Variants in LRP1B observed in about 807,000 individuals in gnomAD.
LRP1B encodes low-density lipoprotein receptor-related protein 1B.
In LRP1B, 217 loss-of-function variants were observed where a neutral mutation model predicts 556.6. The ratio of observed to expected loss-of-function variants is 0.39; its 90% CI spans 0.35 to 0.44. The LOEUF (loss-of-function observed/expected upper bound fraction) is 0.44, where lower values mean the gene tolerates loss of function less well. Among genes scored for constraint, LRP1B ranks in the 20% least tolerant of loss-of-function variants. LRP1B has a pLI of 1.00. For synonymous variants in LRP1B, 2,047 were observed against 1,865.8 expected, an observed-to-expected ratio of 1.10 and a Z score of -2.50; for missense variants, 5,053 against 5,620.8, an observed-to-expected ratio of 0.90 and a Z score of 3.23.
At chr2:142,109,183 G>A (rs1463870651) in intron 1 of LRP1B, among the ~76,000 whole-genome samples, 1 of 152,144 alleles carries the variant, frequency 6.6e-6, no homozygotes, top group Admixed American at 6.6e-5. Flanking sequence ...AACTTAAAGA[G>A]ACTAACAACA....
At chr2:141,573,410 C>A (rs574328263) in intron 2 of LRP1B, among the ~76,000 whole-genome samples, 2 of 152,060 alleles carry the variant, frequency 1.3e-5, no homozygotes, top group African/African-American at 2.4e-5. Context: ...CATAAAGAGA[C>A]AATGTACCAG....
At chr2:141,486,947 G>A (rs992437075) in intron 2 of LRP1B, among the ~76,000 whole-genome samples, 4 of 152,134 alleles carry the variant, frequency 2.6e-5, no homozygotes, top group Non-Finnish European at 4.4e-5. Flanking sequence ...AGTGAAGCCA[G>A]AGACATGCGA....
At chr2:141,487,910 C>CA (rs1365613086) in intron 2 of LRP1B, among the ~76,000 whole-genome samples, 1 of 152,086 alleles carries the variant, frequency 6.6e-6, no homozygotes, top group African/African-American at 2.4e-5. Flanking sequence ...TTAACCTCAC[C>CA]AAGACTCTTC....
chr2:141,839,788 A>T (rs1424256975), intron 1 of LRP1B, among the ~76,000 whole-genome samples: 1 of 152,216 alleles, frequency 6.6e-6, no homozygotes, highest in Non-Finnish European at 1.5e-5. Flanking sequence ...TACTCAGCAA[A>T]CAGCCTAATT....
At chr2:141,067,785 C>A (rs974750469) in intron 7 of LRP1B, among the ~76,000 whole-genome samples, 1 of 151,964 alleles carries the variant, frequency 6.6e-6, no homozygotes, top group Admixed American at 6.6e-5. Flanking sequence ...TCTCAATAAT[C>A]TCAACTGCAA....
chr2:140,871,052 C>G (rs1016663826), intron 25 of LRP1B, among the ~76,000 whole-genome samples: 1 of 152,076 alleles, frequency 6.6e-6, no homozygotes, highest in Non-Finnish European at 1.5e-5. Context: ...GAGAGTGGAA[C>G]TTCCTATATA....
intron 35 of LRP1B, among the ~76,000 whole-genome samples, chr2:140,748,009 G>A (rs978061660): frequency 6.8e-6 from 1 of 147,268 alleles, no homozygotes; most frequent in Non-Finnish European, 1.5e-5. Flanking sequence ...TTATTATCAT[G>A]GGTCATTTAC....
rs192231638 is a variant in LRP1B, at chr2:141,858,270, G to A, written c.83-47869C>T. 8.6e-4 allele frequency among the ~76,000 whole-genome samples: 131 copies of A among 152,240 alleles called. 2 individuals carry two copies. The highest frequency in any genetic ancestry group is 6.8e-3 in the Middle Eastern group (2 of 294). ...TGACCATTTTTCTGCTATCCACACT[G>A]TAAGTTCTTTAGATTTTCATCTTAT... On this transcript the variant is annotated intron_variant, in intron 1 of 90. Transcript: ENST00000389484.
intron 1 of LRP1B, among the ~76,000 whole-genome samples, chr2:141,975,708 G>T (rs1010946175): frequency 6.6e-6 from 1 of 152,018 alleles, no homozygotes; most frequent in Non-Finnish European, 1.5e-5. Context: ...ATTAAACTGT[G>T]GTGAGTCAGG....
chr2:141,789,075 T>C (rs1263586005), intron 2 of LRP1B, among the ~76,000 whole-genome samples: 2 of 152,024 alleles, frequency 1.3e-5, no homozygotes, highest in African/African-American at 4.8e-5. Context: ...GGTCAAATGG[T>C]GTTTCTAGTT....
intron 1 of LRP1B, among the ~76,000 whole-genome samples, chr2:142,068,512 G>A (rs56242807): frequency 0.043 from 6,555 of 151,570 alleles, 234 homozygotes; most frequent in Non-Finnish European, 0.058. Context: ...ATAGTGATAG[G>A]CTGCGTAGGG....
At chr2:141,866,264 T>C (rs1220878589) in intron 1 of LRP1B, among the ~76,000 whole-genome samples, 1 of 152,186 alleles carries the variant, frequency 6.6e-6, no homozygotes, top group Non-Finnish European at 1.5e-5. Flanking sequence ...AATTGAAAAA[T>C]TGTGAAGACT....
At chr2:141,468,171 C>T (rs1682317102) in intron 3 of LRP1B, among the ~76,000 whole-genome samples, 1 of 152,112 alleles carries the variant, frequency 6.6e-6, no homozygotes, top group Admixed American at 6.5e-5. Context: ...ACATATTCCT[C>T]TTGGTTCTGC....
chr2:141,473,351 G>T (rs1682553094), intron 3 of LRP1B, among the ~76,000 whole-genome samples: 1 of 152,110 alleles, frequency 6.6e-6, no homozygotes, highest in South Asian at 2.1e-4. Flanking sequence ...GGTGTCATTT[G>T]TCAATATAAA....
At chr2:140,370,971 G>T in intron 70 of LRP1B, 129 bp from the exon 71 acceptor site, 1 of 1,049,370 alleles carries the variant, frequency 9.5e-7, no homozygotes, top group East Asian at 2.6e-5. Flanking sequence ...TTGTCTTAAT[G>T]AATATAACTT....
intron 2 of LRP1B, among the ~76,000 whole-genome samples, chr2:141,559,499 C>T (rs1038027825): frequency 6.6e-6 from 1 of 151,658 alleles, no homozygotes; most frequent in Admixed American, 6.6e-5. Context: ...AAAATGATAT[C>T]ATTCATCCAA....
At chr2:140,488,175 C>T (rs569529997) in intron 57 of LRP1B, among the ~76,000 whole-genome samples, 1 of 152,000 alleles carries the variant, frequency 6.6e-6, no homozygotes, top group South Asian at 2.1e-4. Flanking sequence ...TTAAGATGAG[C>T]CCTGGACAGC....
intron 50 of LRP1B, 109 bp from the exon 51 acceptor site, chr2:140,514,881 A>C: frequency 1.9e-6 from 2 of 1,052,796 alleles, no homozygotes; most frequent in Non-Finnish European, 2.6e-6. Flanking sequence ...CAATCCTATA[A>C]TAAAAGAAGC....
chr2:141,955,232 C>A (rs1164365762), intron 1 of LRP1B, among the ~76,000 whole-genome samples: 1 of 152,070 alleles, frequency 6.6e-6, no homozygotes, highest in Non-Finnish European at 1.5e-5. Flanking sequence ...TCAAATGTAA[C>A]CTCTCTCCTA....
Sources: gnomAD v4.1 joint callset for allele counts (sites outside exome capture counted in the v4.1 genomes callset) on GRCh38, gnomAD v4.1.1 for gene constraint, MANE v1.5 for transcripts, NCBI Gene and HGNC (gene_info 2026-07-23, HGNC 2026-07-21) for gene names.